Variants in PKLR observed in about 807,000 individuals in gnomAD.
The protein encoded by PKLR is pyruvate kinase PKLR.
In PKLR, 38 loss-of-function variants were observed where a neutral mutation model predicts 53.6. That is an observed-to-expected ratio of 0.71 (90% CI 0.55 to 0.93). The LOEUF is 0.93. PKLR is among the 40% of genes least tolerant of loss of function. The probability of loss-of-function intolerance (pLI) is 0.00; values close to 1 mark genes in which losing one functional copy is unlikely to be tolerated. For synonymous variants in PKLR, 328 were observed against 316.2 expected (o/e 1.04, Z -0.39); for missense variants, 702 against 787.3 (o/e 0.89, Z 1.30).
chr1:155,298,607 G>C (rs557837191), intron 2 of PKLR, among the ~76,000 whole-genome samples: 6 of 147,520 alleles, frequency 4.1e-5, no homozygotes, highest in Non-Finnish European at 1.5e-5. Flanking sequence ...GATTACAGGC[G>C]TGAGCCACCG....
In PKLR at chr1:155,300,295, G is replaced by T; in HGVS notation, c.101-15C>A. On this transcript the variant is annotated splice_polypyrimidine_tract_variant and intron_variant, in intron 1 of 10. Transcript: ENST00000342741. ...CCCCGCTGGCCCTGTGGTAGAAGGGGGCTCAGGGACTGCATGTCACCTGCC... is the reference window on the plus strand; with the variant it reads ...CCCCGCTGGCCCTGTGGTAGAAGGGTGCTCAGGGACTGCATGTCACCTGCC... 1 of 1,567,104 alleles carries T rather than the reference G, an allele frequency of 6.4e-7. No individual in the cohort carries two copies. The highest frequency in any genetic ancestry group is 8.6e-7 in the Non-Finnish European group (1 of 1,156,638).
chr1:155,294,983 G>A, intron 5 of PKLR, 133 bp downstream of exon 5: 1 of 1,105,122 alleles, frequency 9.0e-7, no homozygotes, highest in East Asian at 2.6e-5. Flanking sequence ...ACACGCTGGG[G>A]ACTCCTGGGA....
intron 2 of PKLR, among the ~76,000 whole-genome samples, chr1:155,299,010 CTT>C (rs1236212786): frequency 1.5e-3 from 157 of 101,992 alleles, no homozygotes; most frequent in South Asian, 0.011. Flanking sequence ...TTCTTTCTTT[CTT>C]TCTTTCTTTC....
chr1:155,293,840 C>T lies in PKLR; in HGVS notation c.1117-250G>A, dbSNP rs1433045369. Among the ~76,000 whole-genome samples the T allele has an allele frequency of 2.0e-5, 3 of 152,092 alleles. No individual in the cohort carries two copies. Among genetic ancestry groups the T allele is most frequent in the Non-Finnish European group, 4.4e-5 (3 of 67,974 alleles). On this transcript the variant is annotated intron_variant, in intron 7 of 10. Coordinates refer to ENST00000342741, the MANE Select transcript of PKLR (RefSeq NM_000298.6). The surrounding 1 kb of genome is among the most constrained non-coding windows in gnomAD (Gnocchi z 4.2). ...ACTTTTCATCCAAATGTGCTATAAA[C>T]CTACAGTGTGGGCTGGGTGCAGTGG... is the stretch of plus-strand genomic sequence containing the variant.
At chr1:155,302,355 G>A (rs1648061919), upstream of PKLR, among the ~76,000 whole-genome samples, 1 of 150,770 alleles carries the variant, frequency 6.6e-6, no homozygotes, top group African/African-American at 2.4e-5. Context: ...TCCTGTCTCA[G>A]CCTCCTGAGT....
rs1491568531 is a variant in PKLR, at chr1:155,299,043, T to TC, written c.283+1054dup. Among the ~76,000 whole-genome samples the TC allele has an allele frequency of 4.4e-4, 48 of 108,368 alleles. 4 individuals are homozygous for TC. The highest frequency in any genetic ancestry group is 3.3e-3 in the East Asian group (9 of 2,730). The allele number at this position is 108,368 out of a possible 152,430, so 71.1% of individuals were successfully genotyped here. On this transcript the variant is annotated intron_variant, in intron 2 of 10. Coordinates refer to ENST00000342741, the MANE Select transcript of PKLR (RefSeq NM_000298.6). ...CTTTCTTTCTTTCTTTCTCTTTCTT[T>TC]CTTTCTTTCCTTCCTTCCTTCCTTC...
intron 9 of PKLR, among the ~76,000 whole-genome samples, chr1:155,292,260 G>T (rs3020785): frequency 8.7e-6 from 1 of 115,422 alleles, no homozygotes; most frequent in Non-Finnish European, 1.7e-5. Context: ...AAGAAAGAAT[G>T]CCTGCCCTCC....
intron 2 of PKLR, among the ~76,000 whole-genome samples, chr1:155,299,123 TTCCCTCCC>T (rs1405181725): frequency 6.7e-6 from 1 of 149,698 alleles, no homozygotes; most frequent in African/African-American, 2.5e-5. Context: ...CCTTCCTTCC[TTCCCTCCC>T]TCCCTCCCTC....
At chr1:155,307,451 G>A in the PKLR span, among the ~76,000 whole-genome samples, 1 of 152,204 alleles carries the variant, frequency 6.6e-6, no homozygotes, top group African/African-American at 2.4e-5. Flanking sequence ...CTAAGTCACA[G>A]GATGAGATAG....
chr1:155,307,404 G>T, the PKLR span, among the ~76,000 whole-genome samples: 1 of 152,210 alleles, frequency 6.6e-6, no homozygotes, highest in Admixed American at 6.5e-5. Flanking sequence ...ATAAGGCTGA[G>T]ACCTACTGGA....
intron 10 of PKLR, 85 bp downstream of exon 10, chr1:155,291,671 G>T: frequency 8.4e-7 from 1 of 1,187,802 alleles, no homozygotes; most frequent in Non-Finnish European, 1.3e-6. Context: ...AGAGAGGCAA[G>T]GCCCTTTGAG....
chr1:155,296,560 GTCTTGAAC>G (rs1211324204), intron 2 of PKLR, among the ~76,000 whole-genome samples: 3 of 152,004 alleles, frequency 2.0e-5, no homozygotes, highest in Non-Finnish European at 4.4e-5. Context: ...GGCCAGGTTG[GTCTTGAAC>G]TCTTGACCTC....
intron 1 of PKLR, among the ~76,000 whole-genome samples, chr1:155,300,533 A>T (rs1023242715): frequency 1.3e-5 from 2 of 152,146 alleles, no homozygotes; most frequent in African/African-American, 4.8e-5. Context: ...CTAAGTATGG[A>T]TCAGCTAGGA....
chr1:155,291,857 A>C lies in PKLR; in HGVS notation c.1517T>G (p.Val506Gly), dbSNP rs1647238293. Reference sequence around the variant, plus strand: ...GGGGAAGACTCCTCGGCATAAGTGGACCTGGCGGGCAGCCTGGGCAGAGCG... The same window carrying C: ...GGGGAAGACTCCTCGGCATAAGTGGCCCTGGCGGGCAGCCTGGGCAGAGCG... ...VTRSAQAARQ[V>G]HLCRGVFPLL... The change falls in exon 10 of 11, where the codon GTC becomes GGC. Residue 506 changes from valine (V) to glycine (G), a missense_variant. Coordinates refer to ENST00000342741, the MANE Select transcript of PKLR (RefSeq NM_000298.6). 1 of 1,613,930 alleles carries C rather than the reference A, an allele frequency of 6.2e-7. No homozygotes were observed. Among genetic ancestry groups the C allele is most frequent in the African/African-American group, 1.3e-5 (1 of 74,906 alleles).
upstream of PKLR, among the ~76,000 whole-genome samples, chr1:155,302,583 G>T (rs1648084576): frequency 6.6e-6 from 1 of 152,102 alleles, no homozygotes; most frequent in African/African-American, 2.4e-5. Context: ...ATGTTGTCCA[G>T]GCTGGTCTCC....
upstream of PKLR, among the ~76,000 whole-genome samples, chr1:155,304,154 C>T (rs1161184095): frequency 3.9e-5 from 6 of 152,034 alleles, no homozygotes; most frequent in South Asian, 4.2e-4. Context: ...AGATGGTAGC[C>T]GGGAGCGGTG....
intron 1 of PKLR, chr1:155,300,894 G>A: frequency 6.2e-7 from 1 of 1,611,002 alleles, no homozygotes; most frequent in Admixed American, 1.7e-5. Flanking sequence ...CCATGCCACT[G>A]CACACCTCTC....
intron 10 of PKLR, among the ~76,000 whole-genome samples, chr1:155,291,290 CAT>C: frequency 6.6e-6 from 1 of 151,724 alleles, no homozygotes; most frequent in Admixed American, 6.6e-5. Flanking sequence ...GTGGTCAAGA[CAT>C]TGAGACCATC....
upstream of PKLR, among the ~76,000 whole-genome samples, chr1:155,306,374 C>G (rs1418577192): frequency 6.6e-6 from 1 of 152,168 alleles, no homozygotes; most frequent in Non-Finnish European, 1.5e-5. The surrounding 1 kb of genome is among the most constrained non-coding windows in gnomAD (Gnocchi z 4.2). Context: ...ATGGGCCGTG[C>G]CCCGACGCAT....
Sources: allele counts gnomAD v4.1 joint callset (sites outside exome capture counted in the v4.1 genomes callset), GRCh38; gene constraint gnomAD v4.1.1; non-coding constraint Gnocchi (gnomAD v3.1); transcripts MANE v1.5; gene names NCBI Gene and HGNC (gene_info 2026-07-23, HGNC 2026-07-21).